Variants in SNTG1 observed in about 807,000 individuals in gnomAD.
SNTG1 encodes the protein syntrophin gamma 1, also known as gamma-1-syntrophin.
SNTG1 carries 39 observed loss-of-function variants against 74.7 expected under a neutral mutation model. That is an observed-to-expected ratio of 0.52 (90% CI 0.40 to 0.68). The LOEUF (loss-of-function observed/expected upper bound fraction) is 0.68. Among genes scored for constraint, SNTG1 ranks in the 30% least tolerant of loss-of-function variants. The pLI, the probability that SNTG1 is intolerant of heterozygous loss-of-function variation, is 0.00. For missense variants in SNTG1, 685 were observed against 609.5 expected (o/e 1.12, Z -1.30); for synonymous variants, 254 against 217.1 (o/e 1.17, Z -1.49).
chr8:50,230,717 C>A (rs2085574769), intron 2 of SNTG1, among the ~76,000 whole-genome samples: 1 of 151,176 alleles, frequency 6.6e-6, no homozygotes, highest in Non-Finnish European at 1.5e-5. Flanking sequence ...TCAGCCTGGA[C>A]CCTTATCTCA....
At chr8:50,465,399 A>G (rs749552104) in intron 8 of SNTG1, among the ~76,000 whole-genome samples, 1 of 152,144 alleles carries the variant, frequency 6.6e-6, no homozygotes, top group Non-Finnish European at 1.5e-5. Context: ...ACACAATAAG[A>G]TTCTCTTGTC....
At chr8:50,432,129 C>G (rs1289320662) in intron 4 of SNTG1, among the ~76,000 whole-genome samples, 1 of 152,108 alleles carries the variant, frequency 6.6e-6, no homozygotes, top group Non-Finnish European at 1.5e-5. Flanking sequence ...CTCCTGTATT[C>G]TCTTCTAGTA....
At chr8:50,472,628 G>C (rs916947199) in intron 8 of SNTG1, among the ~76,000 whole-genome samples, 1 of 151,986 alleles carries the variant, frequency 6.6e-6, no homozygotes, top group African/African-American at 2.4e-5. Context: ...TTTTTGGATG[G>C]AACACCAAAT....
intron 1 of SNTG1, among the ~76,000 whole-genome samples, chr8:49,993,516 T>A (rs1297896943): frequency 6.6e-6 from 1 of 152,100 alleles, no homozygotes; most frequent in Non-Finnish European, 1.5e-5. Context: ...GTTTTAAACC[T>A]CACACACATT....
chr8:50,624,817 G>T (rs962766117), intron 13 of SNTG1, among the ~76,000 whole-genome samples: 12 of 152,168 alleles, frequency 7.9e-5, no homozygotes, highest in Non-Finnish European at 4.4e-5. Context: ...TTCTTGAAAT[G>T]ACAAGAAGTC....
intron 2 of SNTG1, among the ~76,000 whole-genome samples, chr8:50,296,810 A>C (rs913810059): frequency 6.6e-6 from 1 of 151,502 alleles, no homozygotes; most frequent in Non-Finnish European, 1.5e-5. Flanking sequence ...AGAGAAAGAA[A>C]AAGCAAAACG....
At chr8:50,377,344 C>T (rs892907520) in intron 2 of SNTG1, among the ~76,000 whole-genome samples, 1 of 152,140 alleles carries the variant, frequency 6.6e-6, no homozygotes, top group Non-Finnish European at 1.5e-5. Flanking sequence ...AGTTTAACAA[C>T]TTCGTACATA....
chr8:50,500,786 G>A (rs1041078281), intron 8 of SNTG1, among the ~76,000 whole-genome samples: 1 of 152,048 alleles, frequency 6.6e-6, no homozygotes. Context: ...GTGTCACTGG[G>A]CACCCACTGT....
intron 2 of SNTG1, among the ~76,000 whole-genome samples, chr8:50,237,446 AT>A (rs2085965376): frequency 6.6e-6 from 1 of 152,104 alleles, no homozygotes; most frequent in Non-Finnish European, 1.5e-5. Flanking sequence ...TAGATTTCTT[AT>A]TTCATTGGCA....
rs535705346 is a variant in SNTG1 at position 50,613,118 on chromosome 8, T to C, written c.849+22201T>C. On this transcript the variant is annotated intron_variant, in intron 13 of 18. Coordinates refer to ENST00000642720, the MANE Select transcript of SNTG1 (RefSeq NM_018967.5). ...CAAGAGCAATATTAGAATTCAATAA[T>C]AGAAACATTGCAAAGTTTATGGTGA... 5.9e-5 allele frequency among the ~76,000 whole-genome samples: 9 copies of C among 152,252 alleles called. No individual in the cohort carries two copies. The South Asian group carries it at 1.9e-3, about 32-fold the overall frequency.
chr8:50,321,348 ACTC>A (rs1162025635), intron 2 of SNTG1, among the ~76,000 whole-genome samples: 3 of 150,342 alleles, frequency 2.0e-5, no homozygotes, highest in South Asian at 2.1e-4. Context: ...AAGTGTAGCA[ACTC>A]CTCCTCTTTT....
At chr8:50,378,728 C>T (rs1448231660) in intron 2 of SNTG1, among the ~76,000 whole-genome samples, 6 of 152,026 alleles carry the variant, frequency 3.9e-5, no homozygotes, top group African/African-American at 1.4e-4. Flanking sequence ...TAGCTCCTCT[C>T]TGCAGACAGG....
intron 1 of SNTG1, among the ~76,000 whole-genome samples, chr8:50,140,503 T>C (rs2081619791): frequency 6.6e-6 from 1 of 152,002 alleles, no homozygotes; most frequent in Non-Finnish European, 1.5e-5. Context: ...GTGTGTATTT[T>C]ATGTGGTGTG....
rs58030144 is a variant in SNTG1 at position 50,395,506 on chromosome 8, G to GGTTTTTTTTTTTTTTTTTTTT, written c.27+1241_27+1242insGTTTTTTTTTTTTTTTTTTTT. ...TTTAAATTTTAATTGTCTAATTTCT[G>GGTTTTTTTTTTTTTTTTTTTT]TTTTTTTTTTTTTTTTTAATGGAGT... On this transcript the variant is annotated intron_variant, in intron 3 of 18. Transcript: ENST00000642720. 2.9e-5 allele frequency among the ~76,000 whole-genome samples: 4 copies of GGTTTTTTTTTTTTTTTTTTTT among 135,656 alleles called. 2 individuals carry two copies. The highest frequency in any genetic ancestry group is 6.2e-5 in the Non-Finnish European group (4 of 64,850). The allele number at this position is 135,656 out of a possible 152,430, so 89.0% of individuals were successfully genotyped here.
chr8:50,772,425 AG>A (rs1247584905), intron 18 of SNTG1, among the ~76,000 whole-genome samples: 1 of 152,154 alleles, frequency 6.6e-6, no homozygotes, highest in African/African-American at 2.4e-5. Context: ...CTTTTAGAAT[AG>A]GAACATTGAA....
chr8:50,441,541 G>A (rs1208692008), intron 5 of SNTG1, among the ~76,000 whole-genome samples: 2 of 152,050 alleles, frequency 1.3e-5, no homozygotes. Flanking sequence ...AAGAATAAGA[G>A]AAAAATATAT....
At chr8:50,712,663 C>T (rs2095464888) in intron 17 of SNTG1, among the ~76,000 whole-genome samples, 2 of 151,744 alleles carry the variant, frequency 1.3e-5, no homozygotes, top group African/African-American at 4.8e-5. Flanking sequence ...CATATCCCCA[C>T]CCCTCAACAG....
At chr8:50,198,502 G>C (rs958740001) in intron 2 of SNTG1, among the ~76,000 whole-genome samples, 6 of 152,112 alleles carry the variant, frequency 3.9e-5, no homozygotes, top group African/African-American at 1.4e-4. Flanking sequence ...GCCCAAATCT[G>C]TTCCTCAAAT....
chr8:50,746,946 G>A (rs1349938495), intron 17 of SNTG1, among the ~76,000 whole-genome samples: 1 of 150,130 alleles, frequency 6.7e-6, no homozygotes, highest in African/African-American at 2.4e-5. Context: ...TGGGTTCAAT[G>A]TCATTATGTA....
Sources: allele counts gnomAD v4.1 joint callset (sites outside exome capture counted in the v4.1 genomes callset), GRCh38; gene constraint gnomAD v4.1.1; transcripts MANE v1.5; gene names NCBI Gene and HGNC (gene_info 2026-07-23, HGNC 2026-07-21).